The following ARHGEF4 variants were observed in gnomAD, a reference collection of about 807,000 sequenced individuals.
ARHGEF4 encodes the protein APC-stimulated guanine nucleotide exchange factor 1.
In ARHGEF4, 119 loss-of-function variants were observed where a neutral mutation model predicts 162.0. The ratio of observed to expected loss-of-function variants is 0.73; its 90% CI spans 0.63 to 0.86. The LOEUF is 0.86. Among genes scored for constraint, ARHGEF4 ranks in the 40% least tolerant of loss-of-function variants. The pLI, the probability that ARHGEF4 is intolerant of heterozygous loss-of-function variation, is 0.00. For missense variants in ARHGEF4, 2,488 were observed against 2,456.0 expected (o/e 1.01, Z -0.28); for synonymous variants, 1,014 against 979.9 (o/e 1.03, Z -0.65).
In ARHGEF4 at chr2:130,990,737, T is replaced by G. The variant is rs142015608; in HGVS notation, c.3986-37208T>G. 7.9e-5 allele frequency among the ~76,000 whole-genome samples: 12 copies of G among 152,210 alleles called. No individual in the cohort carries two copies. In the East Asian group the frequency reaches 2.3e-3, roughly 29 times the overall value. ...CCACTTGGGAACAGATTGGGACCCA[T>G]GCAAGGCTTAGCGATGGAGCTAAAG... On this transcript the variant is annotated intron_variant, in intron 4 of 13. Transcript: ENST00000409359.
In ARHGEF4 at chr2:130,917,408, AGAT is replaced by A; in HGVS notation, c.3465_3467del (p.Asp1155del). 1 of 1,550,664 alleles carries A rather than the reference AGAT, an allele frequency of 6.4e-7. No homozygotes were observed. Among genetic ancestry groups the A allele is most frequent in the Non-Finnish European group, 8.7e-7 (1 of 1,147,016 alleles). ...TGCTTTCTCTGCAGACGCTAAACCA[AGAT>A]GAGCAGAAGGAAGAGAGCAGGGAAG... On this transcript the variant is annotated inframe_deletion, in exon 2 of 14. Coordinates refer to ENST00000409359, the MANE Select transcript of ARHGEF4 (RefSeq NM_001367493.1).
intron 1 of ARHGEF4, among the ~76,000 whole-genome samples, chr2:130,878,164 C>A (rs1371175736): frequency 6.6e-5 from 10 of 152,098 alleles, no homozygotes; most frequent in Admixed American, 6.5e-4. Flanking sequence ...GGTTTGTAGG[C>A]AGTATAGGGT....
chr2:131,016,585 G>C (rs543670376), intron 4 of ARHGEF4, among the ~76,000 whole-genome samples: 3 of 152,404 alleles, frequency 2.0e-5, no homozygotes, highest in South Asian at 4.1e-4. Flanking sequence ...ATTTGCTGGA[G>C]CAGAGCTCAG....
chr2:130,865,512 T>C, intron 1 of ARHGEF4, among the ~76,000 whole-genome samples: 1 of 152,204 alleles, frequency 6.6e-6, no homozygotes, highest in East Asian at 1.9e-4. Context: ...CTCCTCCTCC[T>C]AGTCATCATG....
Position 130,930,973 on chromosome 2 carries a change from C to G in ARHGEF4, c.3574C>G (p.Pro1192Ala). 1 of 1,608,922 alleles carries G rather than the reference C, an allele frequency of 6.2e-7. No homozygotes were observed. The highest frequency in any genetic ancestry group is 8.5e-7 in the Non-Finnish European group (1 of 1,175,926). Residue 1192 changes from proline to alanine, a missense_variant, in exon 3 of 14, where the codon CCA (proline) becomes GCA (alanine). Transcript: ENST00000409359. ...GSENHMPWEE[P>A]AGEKPSCSHS... ...CCAGAACCACATGCCCTGGGAAGAA[C>G]CAGCAGGTGAGAAGCCCAGTTGCTC... is the stretch of plus-strand genomic sequence containing the variant.
At chr2:130,993,335 G>A (rs1687170712) in intron 4 of ARHGEF4, among the ~76,000 whole-genome samples, 1 of 152,132 alleles carries the variant, frequency 6.6e-6, no homozygotes, top group South Asian at 2.1e-4. Flanking sequence ...TGGCATATTT[G>A]TATTAGGATA....
At chr2:130,900,285 G>C (rs1011714133) in intron 1 of ARHGEF4, among the ~76,000 whole-genome samples, 5 of 152,196 alleles carry the variant, frequency 3.3e-5, no homozygotes, top group Non-Finnish European at 5.9e-5. Context: ...AATCTGTCTA[G>C]TAGTCCTATC....
intron 4 of ARHGEF4, among the ~76,000 whole-genome samples, chr2:130,992,885 ACCAGCCTGG>A (rs1687134389): frequency 6.6e-6 from 1 of 152,200 alleles, no homozygotes; most frequent in African/African-American, 2.4e-5. Context: ...GGGATTCGAG[ACCAGCCTGG>A]CCAGCATGGC....
intron 4 of ARHGEF4, among the ~76,000 whole-genome samples, chr2:130,972,904 A>G (rs1685458189): frequency 6.6e-6 from 1 of 152,240 alleles, no homozygotes; most frequent in Non-Finnish European, 1.5e-5. Flanking sequence ...GAAGATAGTT[A>G]ACATTACACC....
At chr2:130,843,123 G>A (rs1025296286) in intron 1 of ARHGEF4, among the ~76,000 whole-genome samples, 6 of 152,126 alleles carry the variant, frequency 3.9e-5, no homozygotes, top group African/African-American at 9.7e-5. Context: ...CCAGATTTTC[G>A]GTTATATTGG....
At chr2:130,908,489 A>G (rs1188242819) in intron 1 of ARHGEF4, among the ~76,000 whole-genome samples, 1 of 152,200 alleles carries the variant, frequency 6.6e-6, no homozygotes, top group African/African-American at 2.4e-5. Context: ...AGCCTGGCCA[A>G]CATAGTGAAA....
chr2:130,890,822 C>T (rs951893491), intron 1 of ARHGEF4, among the ~76,000 whole-genome samples: 2 of 151,978 alleles, frequency 1.3e-5, no homozygotes, highest in Non-Finnish European at 2.9e-5. Flanking sequence ...TACTTGTTTT[C>T]GTTTGAGGCA....
At position 130,836,943 on chromosome 2, in the gene ARHGEF4, C is replaced by G. The variant is rs1680235037; in HGVS notation, c.-11C>G. 3 of 1,225,396 alleles carry G rather than the reference C, an allele frequency of 2.4e-6. No homozygotes were observed. The highest frequency in any genetic ancestry group is 3.0e-6 in the Non-Finnish European group (3 of 983,810). The allele number at this position is 1,225,396 out of a possible 1,614,324, so 75.9% of individuals were successfully genotyped here. A position where few individuals can be genotyped will look rare whatever the true frequency, so the allele number is the denominator to read the frequency against. On this transcript the variant is annotated 5_prime_UTR_variant, in exon 1 of 14. Coordinates refer to ENST00000409359, the MANE Select transcript of ARHGEF4 (RefSeq NM_001367493.1). The stretch of plus-strand genomic sequence containing the variant: ...TGCTGCGGCCGGGCTCCGGGCGTCC[C>G]GGCGGCCACCATGCTCAGCGTCGTG...
chr2:130,901,854 C>G (rs1371314978), intron 1 of ARHGEF4, among the ~76,000 whole-genome samples: 3 of 152,174 alleles, frequency 2.0e-5, no homozygotes, highest in Non-Finnish European at 4.4e-5. Flanking sequence ...TCCTTAAACT[C>G]TCACACACAA....
In ARHGEF4 at chr2:131,015,310, C is replaced by T. The variant is rs180783365; in HGVS notation, c.3986-12635C>T. On this transcript the variant is annotated intron_variant, in intron 4 of 13. Transcript: ENST00000409359. ...GGTTTTCAGTGAGCCGTTTGTACAA[C>T]CTAAAAATTAAAAATCTGGAGCTGA... is the stretch of plus-strand genomic sequence containing the variant. Among the ~76,000 whole-genome samples the T allele has an allele frequency of 3.9e-3, 587 of 152,176 alleles. 2 individuals are homozygous for T. Among genetic ancestry groups the T allele is most frequent in the Non-Finnish European group, 6.4e-3 (435 of 67,998 alleles).
chr2:130,916,854 G>C lies in ARHGEF4; in HGVS notation c.2908G>C (p.Val970Leu), dbSNP rs1681531040. The C allele has an allele frequency of 6.5e-7, 1 of 1,550,352 alleles. No individual in the cohort carries two copies. Among genetic ancestry groups the C allele is most frequent in the Non-Finnish European group, 8.7e-7 (1 of 1,146,850 alleles). The change falls in exon 2 of 14, where the codon GTG (valine) becomes CTG (leucine). Residue 970 changes from valine to leucine, a missense_variant. Val to Leu is a conservative substitution (Grantham distance 32). Around this residue, in one of 6 missense-constraint regions of ARHGEF4, gnomAD observed 1,642 missense variants for 1,481.5 expected, o/e 1.11. Transcript: ENST00000409359. The stretch of plus-strand genomic sequence containing the variant: ...CGGAAGCCCCAAAAAGCCCACCCTA[G>C]TGAGTCTGCCTCTAGGACCCGAAGT... ...DAGSPKKPTL[V>L]SLPLGPEVLS...
At chr2:130,939,230 A>G (rs1683137903) in intron 3 of ARHGEF4, among the ~76,000 whole-genome samples, 1 of 152,244 alleles carries the variant, frequency 6.6e-6, no homozygotes, top group South Asian at 2.1e-4. Context: ...GCAAAAGGAA[A>G]TGATCTCATT....
At chr2:131,036,396 C>T (rs888361480) in intron 5 of ARHGEF4, among the ~76,000 whole-genome samples, 4 of 152,242 alleles carry the variant, frequency 2.6e-5, no homozygotes, top group Non-Finnish European at 5.9e-5. Context: ...GCTCACGGCA[C>T]GTGTCCCTCT....
intron 3 of ARHGEF4, 145 bp from the exon 4 acceptor site, chr2:130,946,364 G>T: frequency 1.0e-6 from 1 of 967,068 alleles, no homozygotes; most frequent in Non-Finnish European, 1.5e-6. Context: ...TGATGTGAAA[G>T]GCATCCCCTG....
Sources: allele counts gnomAD v4.1 joint callset (sites outside exome capture counted in the v4.1 genomes callset), GRCh38; gene constraint gnomAD v4.1.1; regional missense constraint gnomAD v4.1.1; transcripts MANE v1.5; gene names NCBI Gene and HGNC (gene_info 2026-07-23, HGNC 2026-07-21).